Variants in SPINK8 observed in about 807,000 individuals in gnomAD.
The protein encoded by SPINK8 is serine peptidase inhibitor Kazal type 8 (putative), also known as serine protease inhibitor Kazal-type 8.
SPINK8 carries 12 observed loss-of-function variants against 14.4 expected under a neutral mutation model. The ratio of observed to expected loss-of-function variants is 0.83; its 90% CI spans 0.53 to 1.35. SPINK8 has a LOEUF of 1.35. SPINK8 is among the 40% of genes most tolerant of loss of function. The pLI, the probability that SPINK8 is intolerant of heterozygous loss-of-function variation, is 0.00. For synonymous variants in SPINK8, 32 were observed against 37.6 expected (o/e 0.85, Z 0.55); for missense variants, 103 against 117.0 (o/e 0.88, Z 0.55).
chr3:48,329,950 C>T (rs1361671386), intron 2 of SPINK8, among the ~76,000 whole-genome samples: 1 of 152,186 alleles, frequency 6.6e-6, no homozygotes, highest in Non-Finnish European at 1.5e-5. Context: ...GCTTGTTCTA[C>T]CATTTGAACA....
intron 4 of SPINK8, 110 bp from the exon 5 acceptor site, chr3:48,321,184 T>A: frequency 9.5e-7 from 1 of 1,047,666 alleles, no homozygotes; most frequent in East Asian, 2.7e-5. Context: ...TCAAACCCCA[T>A]CAGAAGAGGC....
intron 4 of SPINK8, among the ~76,000 whole-genome samples, chr3:48,323,138 TTTTG>T (rs1302345152): frequency 6.6e-6 from 1 of 152,080 alleles, no homozygotes; most frequent in Admixed American, 6.6e-5. Context: ...TCTCTGTTGT[TTTTG>T]TTTGTTTTGT....
At chr3:48,326,774 G>A (rs1290199720) in intron 4 of SPINK8, among the ~76,000 whole-genome samples, 1 of 152,064 alleles carries the variant, frequency 6.6e-6, no homozygotes, top group South Asian at 2.1e-4. Context: ...AGCCAGGCAT[G>A]GTGGCACATG....
intron 2 of SPINK8, among the ~76,000 whole-genome samples, chr3:48,330,053 C>T (rs1383371070): frequency 6.6e-6 from 1 of 152,106 alleles, no homozygotes; most frequent in East Asian, 1.9e-4. Context: ...AAATGAATGG[C>T]CTTAACTGGG....
At chr3:48,313,589 A>G (rs548472303) in intron 6 of SPINK8, among the ~76,000 whole-genome samples, 36 of 152,364 alleles carry the variant, frequency 2.4e-4, no homozygotes, top group African/African-American at 8.2e-4. Flanking sequence ...GAATTACCAT[A>G]TAACTCAGCA....
intron 6 of SPINK8, among the ~76,000 whole-genome samples, chr3:48,318,943 A>G (rs11706277): frequency 0.22 from 32,807 of 152,198 alleles, 4,359 homozygotes; most frequent in South Asian, 0.3. Context: ...CCTGCTCCTC[A>G]CTATTCCCCT....
chr3:48,326,472 T>A (rs1283512646), intron 4 of SPINK8, among the ~76,000 whole-genome samples: 3 of 152,152 alleles, frequency 2.0e-5, no homozygotes, highest in Non-Finnish European at 2.9e-5. Context: ...CTGGGCATGA[T>A]GGCAGATGCC....
chr3:48,318,273 TGG>T (rs1268594686), intron 6 of SPINK8, among the ~76,000 whole-genome samples: 1 of 152,144 alleles, frequency 6.6e-6, no homozygotes, highest in Non-Finnish European at 1.5e-5. Flanking sequence ...CCTGAGTAGC[TGG>T]GATTACAGGC....
At chr3:48,327,225 C>T (rs1575347158) in intron 4 of SPINK8, among the ~76,000 whole-genome samples, 2 of 151,968 alleles carry the variant, frequency 1.3e-5, no homozygotes, top group Non-Finnish European at 1.5e-5. Flanking sequence ...GCAAAGGGAA[C>T]GGTTAAGGAG....
Position 48,313,409 on chromosome 3 carries a change from T to C in SPINK8, c.240-3463A>G, listed in dbSNP as rs1215753938. 9.9e-5 allele frequency among the ~76,000 whole-genome samples: 15 copies of C among 152,150 alleles called. 1 individual carries two copies. In the East Asian group the frequency reaches 2.9e-3, roughly 29 times the overall value. Reference sequence around the variant, plus strand: ...TCATTAGTCATTAGAGAAATGTAAATGAAAACTTGATGAGATACCATTTTC... The same window carrying C: ...TCATTAGTCATTAGAGAAATGTAAACGAAAACTTGATGAGATACCATTTTC... On this transcript the variant is annotated intron_variant, in intron 6 of 7. Coordinates refer to ENST00000434006, the MANE Select transcript of SPINK8 (RefSeq NM_001080525.3).
At chr3:48,322,524 C>T (rs1291384750) in intron 4 of SPINK8, among the ~76,000 whole-genome samples, 1 of 152,008 alleles carries the variant, frequency 6.6e-6, no homozygotes, top group Non-Finnish European at 1.5e-5. Flanking sequence ...TTAGTAGAGA[C>T]GGGGTTTCAC....
chr3:48,323,368 G>T (rs747660704), intron 4 of SPINK8, among the ~76,000 whole-genome samples: 7 of 151,924 alleles, frequency 4.6e-5, no homozygotes, highest in Non-Finnish European at 8.8e-5. Context: ...TAAAGTTCTG[G>T]GATTACAGGC....
At chr3:48,307,774 T>C (rs1013682882) in intron 7 of SPINK8, among the ~76,000 whole-genome samples, 1 of 152,048 alleles carries the variant, frequency 6.6e-6, no homozygotes, top group African/African-American at 2.4e-5. Context: ...AGATGAGTTC[T>C]AGCTGAGTCA....
At chr3:48,319,409 T>G (rs1288244019) in intron 6 of SPINK8, 88 bp downstream of exon 6, 1 of 1,462,646 alleles carries the variant, frequency 6.8e-7, no homozygotes, top group African/African-American at 1.4e-5. Context: ...CATTGGATGA[T>G]GTAGGAAGTG....
At chr3:48,323,700 G>T (rs886597692) in intron 4 of SPINK8, among the ~76,000 whole-genome samples, 3 of 152,144 alleles carry the variant, frequency 2.0e-5, no homozygotes, top group Admixed American at 2.0e-4. Flanking sequence ...TGTTTAAAAA[G>T]ATTATTGTCC....
At position 48,309,950 on chromosome 3, in the gene SPINK8, A is replaced by T. The variant is rs953788388; in HGVS notation, c.240-4T>A. The T allele has an allele frequency of 2.6e-5, 37 of 1,417,752 alleles. No homozygotes were observed. The highest frequency in any genetic ancestry group is 3.4e-5 in the Non-Finnish European group (37 of 1,085,662). 87.8% of individuals were successfully genotyped at this position (1,417,752 alleles called of 1,614,324 possible). ...AGTTATGTTAAGCCCTTCAAATCTG[A>T]AAGAAATTATATTTTAAAATTATTT... On this transcript the variant is annotated splice_region_variant and splice_polypyrimidine_tract_variant and intron_variant, in intron 6 of 7. Transcript: ENST00000434006.
chr3:48,319,412 A>G, intron 6 of SPINK8, 85 bp downstream of exon 6: 1 of 1,486,542 alleles, frequency 6.7e-7, no homozygotes, highest in Non-Finnish European at 9.3e-7. Context: ...TGGATGATGT[A>G]GGAAGTGGGC....
At chr3:48,333,102 T>A (rs2036287479) in intron 1 of SPINK8, among the ~76,000 whole-genome samples, 1 of 152,160 alleles carries the variant, frequency 6.6e-6, no homozygotes. Context: ...AGGGCATAAA[T>A]CACACTTTTA....
At chr3:48,319,287 G>A (rs192772387) in intron 6 of SPINK8, among the ~76,000 whole-genome samples, 36 of 152,276 alleles carry the variant, frequency 2.4e-4, no homozygotes, top group Admixed American at 2.3e-3. Flanking sequence ...CACCTTAGTG[G>A]ATTTCTGTTT....
Sources: gnomAD v4.1 joint callset for allele counts (sites outside exome capture counted in the v4.1 genomes callset) on GRCh38, gnomAD v4.1.1 for gene constraint, MANE v1.5 for transcripts, NCBI Gene and HGNC (gene_info 2026-07-23, HGNC 2026-07-21) for gene names.